The following TMF1 variants were observed in gnomAD, a reference collection of about 807,000 sequenced individuals.
The protein encoded by TMF1 is TATA element modulatory factor 1, also known as TATA element modulatory factor.
Under a neutral mutation model 126.5 loss-of-function variants are expected in TMF1, and 71 were observed. The observed-to-expected ratio is 0.56, with a 90% confidence interval of 0.46 to 0.68. The LOEUF (loss-of-function observed/expected upper bound fraction) is 0.68. Among genes scored for constraint, TMF1 ranks in the 30% least tolerant of loss-of-function variants. The pLI, the probability that TMF1 is intolerant of heterozygous loss-of-function variation, is 0.00. For missense variants in TMF1, 1,259 were observed against 1,253.2 expected, an observed-to-expected ratio of 1.00 and a Z score of -0.07; for synonymous variants, 461 against 430.5, an observed-to-expected ratio of 1.07 and a Z score of -0.88.
intron 5 of TMF1, among the ~76,000 whole-genome samples, chr3:69,041,138 T>C (rs1023063877): frequency 2.0e-5 from 3 of 152,172 alleles, no homozygotes; most frequent in Non-Finnish European, 2.9e-5. Flanking sequence ...TTCAAATAAC[T>C]CTTTTAAAAT....
At position 69,023,128 on chromosome 3, in the gene TMF1, A is replaced by T; in HGVS notation, c.*49T>A. The T allele has an allele frequency of 6.6e-6, 10 of 1,513,016 alleles. No individual in the cohort carries two copies. The highest frequency in any genetic ancestry group is 9.0e-6 in the Non-Finnish European group (10 of 1,105,714). 93.7% of individuals were successfully genotyped at this position (1,513,016 alleles called of 1,614,324 possible). ...TATTGGAAGTCCACATTAAATGTTT[A>T]GATATTAAATGCTTACATTCAGTTT... is the stretch of plus-strand genomic sequence containing the variant. On this transcript the variant is annotated 3_prime_UTR_variant, in exon 17 of 17. Coordinates refer to ENST00000398559, the MANE Select transcript of TMF1 (RefSeq NM_007114.3).
chr3:69,034,360 C>T (rs1575812895), intron 9 of TMF1, among the ~76,000 whole-genome samples: 1 of 152,070 alleles, frequency 6.6e-6, no homozygotes, highest in Admixed American at 6.6e-5. Flanking sequence ...GTAATCCCAG[C>T]TACTTGGGAG....
chr3:69,042,752 A>G, intron 5 of TMF1, 55 bp downstream of exon 5: 1 of 1,411,848 alleles, frequency 7.1e-7, no homozygotes, highest in Non-Finnish European at 1.0e-6. Flanking sequence ...TTATGTGGCA[A>G]GTACTTTTCC....
chr3:69,040,731 G>C (rs376124326), intron 5 of TMF1, among the ~76,000 whole-genome samples: 4 of 152,186 alleles, frequency 2.6e-5, no homozygotes, highest in African/African-American at 9.6e-5. Context: ...AGACCAGCCT[G>C]GCCAACATGG....
intron 8 of TMF1, 35 bp from the exon 9 acceptor site, chr3:69,035,150 G>A: frequency 6.5e-7 from 1 of 1,543,526 alleles, no homozygotes; most frequent in Non-Finnish European, 9.0e-7. Context: ...CACAAACAAT[G>A]GTACAGTATT....
intron 13 of TMF1, among the ~76,000 whole-genome samples, chr3:69,026,961 T>A (rs2091771080): frequency 6.6e-6 from 1 of 152,140 alleles, no homozygotes; most frequent in South Asian, 2.1e-4. Context: ...TACACGGTAA[T>A]TCTTTCAATA....
chr3:69,025,970 A>C, intron 14 of TMF1, 26 bp downstream of exon 14: 2 of 1,534,360 alleles, frequency 1.3e-6, no homozygotes, highest in Non-Finnish European at 1.8e-6. Context: ...CTAAGAACTA[A>C]GCACATATAA....
Position 69,029,952 on chromosome 3 carries a change from T to C in TMF1, c.2457A>G (p.Glu819=). The C allele has an allele frequency of 6.2e-7, 1 of 1,614,214 alleles. No individual in the cohort carries two copies. The highest frequency in any genetic ancestry group is 8.5e-7 in the Non-Finnish European group (1 of 1,180,036). The part of the protein sequence containing the change: ...AAVERERAAT[E]ELLANKIQMS... ...TCTGAATTTTGTTAGCAAGGAGTTC[T>C]TCTGTAGCTGCACGTTCTCTCTCAA... Residue 819 remains glutamate, a synonymous_variant, in exon 11 of 17, where the codon GAA becomes GAG. Transcript: ENST00000398559.
In TMF1 at chr3:69,023,164, C is replaced by A; in HGVS notation, c.*13G>T. On this transcript the variant is annotated 3_prime_UTR_variant, in exon 17 of 17. Coordinates refer to ENST00000398559, the MANE Select transcript of TMF1 (RefSeq NM_007114.3). ...GCTTACATTCAGTTTGATGGGAATT[C>A]AATTTTCACAAGTTAACTGAGACTT... The A allele has an allele frequency of 1.2e-6, 2 of 1,603,600 alleles. No homozygotes were observed. The highest frequency in any genetic ancestry group is 2.2e-5 in the South Asian group (2 of 90,168).
At chr3:69,023,410 C>G (rs2091750279) in intron 16 of TMF1, 90 bp from the exon 17 acceptor site, 1 of 1,052,842 alleles carries the variant, frequency 9.5e-7, no homozygotes. Flanking sequence ...AATGAAAACA[C>G]TACAATTTAA....
chr3:69,025,256 G>A, intron 15 of TMF1: 1 of 232,258 alleles, frequency 4.3e-6, no homozygotes, highest in South Asian at 1.1e-4. Flanking sequence ...TCTGCTCCTA[G>A]ATGCTTATGT....
In TMF1 at chr3:69,033,579, C is replaced by A. The variant is rs770795198; in HGVS notation, c.2370G>T (p.Glu790Asp). Residue 790 changes from glutamate (E) to aspartate (D), a missense_variant, in exon 10 of 17, where the codon GAG (glutamate) becomes GAT (aspartate). Transcript: ENST00000398559. ...ATLGSQTSSW[E>D]KLEKNLSDRL... The stretch of plus-strand genomic sequence containing the variant: ...TATCAGAAAGATTCTTCTCTAATTT[C>A]TCCCACGACGATGTCTGGGATCCCA... 7 of 1,613,812 alleles carry A rather than the reference C, an allele frequency of 4.3e-6. No individual in the cohort carries two copies. Among genetic ancestry groups the A allele is most frequent in the Non-Finnish European group, 5.9e-6 (7 of 1,179,916 alleles).
chr3:69,042,475 A>G (rs1340890975), intron 5 of TMF1: 5 of 484,404 alleles, frequency 1.0e-5, no homozygotes, highest in African/African-American at 3.9e-5. Context: ...GATATTACAT[A>G]AATCCCAGAG....
chr3:69,038,453 A>G, intron 8 of TMF1, 111 bp downstream of exon 8: 1 of 1,238,092 alleles, frequency 8.1e-7, no homozygotes, highest in Non-Finnish European at 1.1e-6. Flanking sequence ...GTACTCTGAA[A>G]TCTAACACAT....
At chr3:69,036,751 C>T (rs982533176) in intron 8 of TMF1, among the ~76,000 whole-genome samples, 2 of 152,120 alleles carry the variant, frequency 1.3e-5, no homozygotes, top group African/African-American at 4.8e-5. Context: ...ATAGTTTTCT[C>T]AACAACTGGT....
In TMF1 at chr3:69,020,109, T is replaced by C. The variant is rs1249755101; in HGVS notation, c.*3068A>G. The C allele has an allele frequency of 6.6e-6, 1 of 152,136 alleles. No homozygotes were observed. Among genetic ancestry groups the C allele is most frequent in the African/African-American group, 2.4e-5 (1 of 41,440 alleles). 9.4% of individuals were successfully genotyped at this position (152,136 alleles called of 1,614,324 possible). On this transcript the variant is annotated 3_prime_UTR_variant, in exon 17 of 17. Transcript: ENST00000398559. ...TACAGTTTTCTTTTTTCTTCTATTT[T>C]CTAAATATTATAAATCATATACTTT...
At position 69,046,105 on chromosome 3, in the gene TMF1, T is replaced by G. The variant is rs115392935; in HGVS notation, c.1347+1253A>C. ...GCCTGGACAATAGAGAGAGACCCTG[T>G]CTCATTCATACATACATCCATCCAC... On this transcript the variant is annotated intron_variant, in intron 2 of 16. Coordinates refer to ENST00000398559, the MANE Select transcript of TMF1 (RefSeq NM_007114.3). Among the ~76,000 whole-genome samples, 114 of 152,230 alleles carry G rather than the reference T, an allele frequency of 7.5e-4. 2 individuals carry two copies. The highest frequency in any genetic ancestry group is 2.5e-3 in the African/African-American group (103 of 41,520).
At chr3:69,047,337 C>A in intron 2 of TMF1, 21 bp downstream of exon 2, 5 of 1,523,782 alleles carry the variant, frequency 3.3e-6, no homozygotes, top group South Asian at 2.6e-5. Flanking sequence ...TCTAAAAATC[C>A]CTTCCACTTA....
chr3:69,043,811 C>G lies in TMF1; in HGVS notation c.1517G>C (p.Arg506Thr). 6.2e-7 allele frequency: 1 copy of G among 1,612,366 alleles called. No individual in the cohort carries two copies. ...AACTTTCTTTTCTGCTTCTGCAATT[C>G]TTTGAGTAAACTCATCTTTCAAGGA... ...ISSLKDEFTQRIAEAEKKVQL... is the reference protein window; with the variant it reads ...ISSLKDEFTQTIAEAEKKVQL... Residue 506 changes from arginine to threonine, a missense_variant, in exon 4 of 17, where the codon AGA becomes ACA. Arg to Thr is a moderately conservative substitution (Grantham distance 71). Coordinates refer to ENST00000398559, the MANE Select transcript of TMF1 (RefSeq NM_007114.3).
Sources: allele counts gnomAD v4.1 joint callset (sites outside exome capture counted in the v4.1 genomes callset), GRCh38; gene constraint gnomAD v4.1.1; transcripts MANE v1.5; gene names NCBI Gene and HGNC (gene_info 2026-07-23, HGNC 2026-07-21).